The following MCC variants were observed in gnomAD, a reference collection of about 807,000 sequenced individuals.
The protein encoded by MCC is MCC regulator of Wnt signaling pathway, also known as colorectal mutant cancer protein.
A neutral mutation model predicts 116.2 loss-of-function variants in MCC; 90 were observed. The ratio of observed to expected loss-of-function variants is 0.77; its 90% CI spans 0.65 to 0.92. The LOEUF (loss-of-function observed/expected upper bound fraction) is 0.92. Ranked by LOEUF, MCC falls within the 40% of genes least tolerant of loss-of-function variation. The probability of loss-of-function intolerance (pLI) is 0.00; values close to 1 mark genes in which losing one functional copy is unlikely to be tolerated. For missense variants in MCC, 1,516 were observed against 1,312.2 expected (o/e 1.16, Z -2.40); for synonymous variants, 578 against 510.5 (o/e 1.13, Z -1.78).
At chr5:113,456,293 G>A (rs548874954) in intron 1 of MCC, among the ~76,000 whole-genome samples, 1 of 152,172 alleles carries the variant, frequency 6.6e-6, no homozygotes, top group Admixed American at 6.5e-5. Flanking sequence ...CTCTACCAGG[G>A]GAAATTAAAT....
chr5:113,207,307 G>GTTC (rs1344348719), intron 3 of MCC, among the ~76,000 whole-genome samples: 1 of 152,170 alleles, frequency 6.6e-6, no homozygotes, highest in African/African-American at 2.4e-5. Context: ...TGAGATGGCA[G>GTTC]AGGAAAGATG....
intron 5 of MCC, among the ~76,000 whole-genome samples, chr5:113,139,440 C>A (rs1180538299): frequency 1.3e-5 from 2 of 152,098 alleles, no homozygotes; most frequent in African/African-American, 2.4e-5. Flanking sequence ...GAGTTCCTCC[C>A]TCCCTGGTCT....
intron 2 of MCC, among the ~76,000 whole-genome samples, chr5:113,363,031 G>A (rs1392715338): frequency 1.3e-5 from 2 of 152,056 alleles, no homozygotes; most frequent in African/African-American, 2.4e-5. Flanking sequence ...TGTAATCCCA[G>A]CACTTTGGGA....
At chr5:113,339,746 CAG>C (rs1767965188) in intron 3 of MCC, among the ~76,000 whole-genome samples, 1 of 152,184 alleles carries the variant, frequency 6.6e-6, no homozygotes, top group African/African-American at 2.4e-5. Flanking sequence ...GCCTCAAACA[CAG>C]AGTTTGAAAA....
intron 3 of MCC, among the ~76,000 whole-genome samples, chr5:113,200,669 A>G (rs1177396512): frequency 3.9e-5 from 6 of 152,210 alleles, no homozygotes; most frequent in Non-Finnish European, 8.8e-5. Context: ...ATACAACTTA[A>G]GTTAAAAAGC....
chr5:113,071,586 C>T (rs753913022), intron 11 of MCC, among the ~76,000 whole-genome samples: 27 of 152,166 alleles, frequency 1.8e-4, no homozygotes, highest in Non-Finnish European at 2.5e-4. Flanking sequence ...GTCTGGTGGG[C>T]TTAGATAAGT....
intron 1 of MCC, among the ~76,000 whole-genome samples, chr5:113,437,720 T>C (rs1420395665): frequency 6.6e-6 from 1 of 152,226 alleles, no homozygotes; most frequent in African/African-American, 2.4e-5. Context: ...ACCCCCTTTT[T>C]GTCTTTTGAT....
At chr5:113,177,121 C>A (rs1227042894) in intron 3 of MCC, among the ~76,000 whole-genome samples, 1 of 152,150 alleles carries the variant, frequency 6.6e-6, no homozygotes, top group Non-Finnish European at 1.5e-5. Flanking sequence ...CTTCAGGTGG[C>A]CTCTGGAAAG....
chr5:113,374,203 CT>C (rs66471989), intron 2 of MCC, among the ~76,000 whole-genome samples: 25,320 of 136,416 alleles, frequency 0.19, 2,498 homozygotes, highest in Admixed American at 0.31. Context: ...GGGGCTTCTA[CT>C]TTTTTTTTTT....
intron 16 of MCC, among the ~76,000 whole-genome samples, chr5:113,048,333 C>G (rs1438518253): frequency 6.6e-6 from 1 of 152,182 alleles, no homozygotes; most frequent in Non-Finnish European, 1.5e-5. Context: ...GTGCACCATT[C>G]TGAGCAGCGT....
At chr5:113,354,230 A>G (rs1768352860) in intron 2 of MCC, among the ~76,000 whole-genome samples, 1 of 152,146 alleles carries the variant, frequency 6.6e-6, no homozygotes, top group African/African-American at 2.4e-5. Flanking sequence ...CTGTTGCACA[A>G]GTGACTCACA....
At chr5:113,164,515 G>A (rs1218236077) in intron 3 of MCC, among the ~76,000 whole-genome samples, 1 of 152,186 alleles carries the variant, frequency 6.6e-6, no homozygotes, top group Non-Finnish European at 1.5e-5. Flanking sequence ...GTAAATGGTA[G>A]CCAGGACCAA....
intron 14 of MCC, among the ~76,000 whole-genome samples, chr5:113,063,632 C>T (rs1257608197): frequency 1.3e-5 from 2 of 152,194 alleles, no homozygotes; most frequent in African/African-American, 4.8e-5. Flanking sequence ...CTCTTGGCTA[C>T]CCTAAGTGCT....
intron 3 of MCC, among the ~76,000 whole-genome samples, chr5:113,306,206 C>T (rs1766980780): frequency 1.3e-5 from 2 of 152,086 alleles, no homozygotes; most frequent in Non-Finnish European, 2.9e-5. Flanking sequence ...AATAATGTTG[C>T]TATGAACATT....
chr5:113,466,755 C>A (rs989367071), intron 1 of MCC, among the ~76,000 whole-genome samples: 4 of 152,148 alleles, frequency 2.6e-5, no homozygotes, highest in Non-Finnish European at 5.9e-5. Context: ...TGAGGAATCG[C>A]CACACTGACT....
chr5:113,309,261 G>A (rs1051747470), intron 3 of MCC, among the ~76,000 whole-genome samples: 4 of 152,152 alleles, frequency 2.6e-5, no homozygotes, highest in Non-Finnish European at 5.9e-5. Flanking sequence ...TGTATAATGT[G>A]GAGTCTGGAC....
chr5:113,120,331 T>G (rs1196409654), intron 6 of MCC, among the ~76,000 whole-genome samples: 1 of 152,194 alleles, frequency 6.6e-6, no homozygotes, highest in East Asian at 1.9e-4. Flanking sequence ...GGGACTGGGT[T>G]CAGTTTAGTT....
chr5:113,053,610 G>C (rs1028012088), intron 15 of MCC, 115 bp downstream of exon 15: 5 of 690,024 alleles, frequency 7.2e-6, no homozygotes, highest in African/African-American at 1.8e-5. Flanking sequence ...CAAGGGTCTA[G>C]CTCTTCTCTG....
At chr5:113,134,806 A>G (rs1041868302) in intron 5 of MCC, among the ~76,000 whole-genome samples, 8 of 151,892 alleles carry the variant, frequency 5.3e-5, no homozygotes, top group African/African-American at 1.9e-4. Flanking sequence ...GCGTTCCAGT[A>G]ATGGAACACT....
Sources: allele counts gnomAD v4.1 joint callset (sites outside exome capture counted in the v4.1 genomes callset), GRCh38; gene constraint gnomAD v4.1.1; transcripts MANE v1.5; gene names NCBI Gene and HGNC (gene_info 2026-07-23, HGNC 2026-07-21).